Variants in SUFU observed in about 807,000 individuals in gnomAD.
The protein encoded by SUFU is suppressor of fused homolog.
A neutral mutation model predicts 58.9 loss-of-function variants in SUFU; 7 were observed. The ratio of observed to expected loss-of-function variants is 0.12; its 90% confidence interval spans 0.07 to 0.22. The LOEUF (loss-of-function observed/expected upper bound fraction) is 0.22, where lower values mean the gene tolerates loss of function less well. Among genes scored for constraint, SUFU ranks in the 10% least tolerant of loss-of-function variants. The probability of loss-of-function intolerance (pLI) is 1.00; values close to 1 mark genes in which losing one functional copy is unlikely to be tolerated. For missense variants in SUFU, 451 were observed against 641.3 expected (o/e 0.70, Z 3.20); for synonymous variants, 232 against 254.8 (o/e 0.91, Z 0.85).
At chr10:102,530,249 C>A (rs1254206973) in intron 2 of SUFU, among the ~76,000 whole-genome samples, 4 of 152,032 alleles carry the variant, frequency 2.6e-5, no homozygotes, top group Non-Finnish European at 5.9e-5. Flanking sequence ...TTAATAATTT[C>A]ATGCAGTTTC....
rs185163084 is a variant in SUFU, at chr10:102,619,492, T to G, written c.1296+2064T>G. 5.6e-5 allele frequency: 66 copies of G among 1,172,580 alleles called. No individual in the cohort carries two copies. The East Asian group carries it at 1.9e-3, about 34-fold the overall frequency. 72.6% of individuals were successfully genotyped at this position (1,172,580 alleles called of 1,614,324 possible). On this transcript the variant is annotated intron_variant, in intron 10 of 11. Coordinates refer to ENST00000369902, the MANE Select transcript of SUFU (RefSeq NM_016169.4). This position sits in a 1 kb window ranked among gnomAD's most constrained non-coding sequence, Gnocchi z 4.2. The stretch of plus-strand genomic sequence containing the variant: ...AAGGCCTGTGTTATGGGCTCATTAG[T>G]GTGGTCCACCACGGGGCCGGCTCAC...
chr10:102,524,660 A>G (rs2062589614), intron 2 of SUFU, among the ~76,000 whole-genome samples: 1 of 152,034 alleles, frequency 6.6e-6, no homozygotes, highest in Admixed American at 6.5e-5. Context: ...TGCGATGTCT[A>G]TTATGCTTTA....
chr10:102,567,807 C>T (rs1325615946), intron 3 of SUFU, among the ~76,000 whole-genome samples: 3 of 152,116 alleles, frequency 2.0e-5, no homozygotes, highest in African/African-American at 7.2e-5. Flanking sequence ...ATACCTGGGG[C>T]ACTGTGCTGG....
At chr10:102,614,544 C>T (rs138477583) in intron 8 of SUFU, among the ~76,000 whole-genome samples, 1,725 of 146,308 alleles carry the variant, frequency 0.012, 22 homozygotes, top group African/African-American at 0.041. Context: ...GGTGACACGG[C>T]GAGATGCTAT....
At chr10:102,510,988 G>T (rs2062394205) in intron 2 of SUFU, among the ~76,000 whole-genome samples, 1 of 151,710 alleles carries the variant, frequency 6.6e-6, no homozygotes. Flanking sequence ...GGGCGTGGTG[G>T]CACATGCCTG....
At position 102,504,243 on chromosome 10, in the gene SUFU, C is replaced by A. The variant is rs1554840836; in HGVS notation, c.91C>A (p.Pro31Thr). Residue 31 changes from proline (P) to threonine (T), a missense_variant, in exon 1 of 12, where the codon CCC becomes ACC. Transcript: ENST00000369902. ...CCCCCCGGCCTTCGCTTCGCTCTTT[C>A]CCCCGGGACTGCACGCCATCTACGG... ...TAPPAFASLF[P>T]PGLHAIYGEC... 2 of 1,552,572 alleles carry A rather than the reference C, an allele frequency of 1.3e-6. No homozygotes were observed. The highest frequency in any genetic ancestry group is 2.7e-5 in the African/African-American group (2 of 72,796).
chr10:102,513,754 G>C (rs924921950), intron 2 of SUFU, among the ~76,000 whole-genome samples: 1 of 152,038 alleles, frequency 6.6e-6, no homozygotes, highest in African/African-American at 2.4e-5. Context: ...GGAGTGAGAG[G>C]GACTTGAAAA....
rs1239643103 is a variant in SUFU at position 102,630,728 on chromosome 10, TTTTA to T, written c.*574_*577del. 1 of 259,222 alleles carries T rather than the reference TTTTA, an allele frequency of 3.9e-6. No homozygotes were observed. The highest frequency in any genetic ancestry group is 4.8e-5 in the Admixed American group (1 of 21,040). The allele number at this position is 259,222 out of a possible 1,614,324, so 16.1% of individuals were successfully genotyped here. On this transcript the variant is annotated 3_prime_UTR_variant, in exon 12 of 12. Coordinates refer to ENST00000369902, the MANE Select transcript of SUFU (RefSeq NM_016169.4). The stretch of plus-strand genomic sequence containing the variant: ...GTCCAGAAGCCATGTATATAATGTT[TTTTA>T]AACAGAACTTCATTCCCCGTTGAAC...
intron 2 of SUFU, among the ~76,000 whole-genome samples, chr10:102,532,779 A>C (rs1210803166): frequency 2.0e-5 from 3 of 152,154 alleles, no homozygotes; most frequent in African/African-American, 7.2e-5. Context: ...CTAGAGTATA[A>C]GGCAGAGGAG....
At chr10:102,554,324 A>G (rs2062951511) in intron 3 of SUFU, among the ~76,000 whole-genome samples, 1 of 151,878 alleles carries the variant, frequency 6.6e-6, no homozygotes, top group African/African-American at 2.4e-5. Flanking sequence ...AATCACTTGA[A>G]CCTGGGAGGC....
chr10:102,628,214 C>A lies in SUFU; in HGVS notation c.1365+971C>A, dbSNP rs576504897. ...CTTCCAGCTTCCAGGGCTCCCTGGG[C>A]TGCAACAGCCAGGACACAGGCCTCT... is the stretch of plus-strand genomic sequence containing the variant. On this transcript the variant is annotated intron_variant, in intron 11 of 11. Transcript: ENST00000369902. This position sits in a 1 kb window ranked among gnomAD's most constrained non-coding sequence, Gnocchi z 4.5. 6.6e-6 allele frequency among the ~76,000 whole-genome samples: 1 copy of A among 152,254 alleles called. No homozygotes were observed. Among genetic ancestry groups the A allele is most frequent in the South Asian group, 2.1e-4 (1 of 4,828 alleles).
chr10:102,518,388 G>A (rs1312531392), intron 2 of SUFU, among the ~76,000 whole-genome samples: 1 of 152,060 alleles, frequency 6.6e-6, no homozygotes, highest in Non-Finnish European at 1.5e-5. Flanking sequence ...GAATTATGCT[G>A]CTAAATTCAA....
intron 8 of SUFU, 101 bp from the exon 9 acceptor site, chr10:102,615,167 T>G: frequency 4.0e-6 from 6 of 1,510,182 alleles, no homozygotes; most frequent in African/African-American, 1.4e-5. Context: ...TCAGTCACCA[T>G]TATTGTCTTT....
Position 102,509,178 on chromosome 10 carries a change from C to T in SUFU, c.192C>T (p.Gly64=), listed in dbSNP as rs2135619956. 2 of 1,614,070 alleles carry T rather than the reference C, an allele frequency of 1.2e-6. No homozygotes were observed. The highest frequency in any genetic ancestry group is 1.7e-6 in the Non-Finnish European group (2 of 1,180,038). Residue 64 remains glycine, a synonymous_variant, in exon 2 of 12, where the codon GGC becomes GGT. Coordinates refer to ENST00000369902, the MANE Select transcript of SUFU (RefSeq NM_016169.4). ...VTAIVKYWLG[G]PDPLDYVSMY... is the part of the protein sequence containing the mutation. Reference sequence around the variant, plus strand: ...GTTTTGTTTTTTGCAGGTTGGGTGGCCCAGACCCCTTGGACTATGTTAGCA... The same window carrying T: ...GTTTTGTTTTTTGCAGGTTGGGTGGTCCAGACCCCTTGGACTATGTTAGCA...
intron 3 of SUFU, among the ~76,000 whole-genome samples, chr10:102,568,960 A>C (rs1465574787): frequency 2.4e-4 from 26 of 109,588 alleles, no homozygotes; most frequent in South Asian, 2.2e-3. Flanking sequence ...ATATATATAT[A>C]TATCTATAGC....
chr10:102,512,929 C>T (rs1244286813), intron 2 of SUFU, among the ~76,000 whole-genome samples: 1 of 151,916 alleles, frequency 6.6e-6, no homozygotes, highest in Non-Finnish European at 1.5e-5. Flanking sequence ...ATTAGCCAGA[C>T]ATGGTGGTGT....
intron 3 of SUFU, among the ~76,000 whole-genome samples, chr10:102,577,080 C>CTTTTTTTTTTT (rs10656431): frequency 2.1e-5 from 2 of 97,086 alleles, no homozygotes; most frequent in Non-Finnish European, 2.2e-5. Flanking sequence ...TGGATTTTTT[C>CTTTTTTTTTTT]TTTTCTTTTT....
At chr10:102,546,935 G>A (rs936382189) in intron 2 of SUFU, among the ~76,000 whole-genome samples, 3 of 152,272 alleles carry the variant, frequency 2.0e-5, no homozygotes, top group Non-Finnish European at 2.9e-5. Flanking sequence ...GCGTGTGCAC[G>A]CATGCACACC....
intron 2 of SUFU, among the ~76,000 whole-genome samples, chr10:102,544,835 A>G (rs973126880): frequency 4.6e-5 from 7 of 152,348 alleles, no homozygotes; most frequent in Admixed American, 3.9e-4. Context: ...AGATTTGTCT[A>G]TTATGGACAT....
Sources: gnomAD v4.1 joint callset for allele counts (sites outside exome capture counted in the v4.1 genomes callset) on GRCh38, gnomAD v4.1.1 for gene constraint, Gnocchi (gnomAD v3.1) non-coding constraint, MANE v1.5 for transcripts, NCBI Gene and HGNC (gene_info 2026-07-23, HGNC 2026-07-21) for gene names.